The following TNKS variants were observed in gnomAD, a reference collection of about 807,000 sequenced individuals.
The protein encoded by TNKS is poly [ADP-ribose] polymerase tankyrase-1.
A neutral mutation model predicts 135.8 loss-of-function variants in TNKS; 72 were observed. The observed-to-expected ratio is 0.53, with a 90% confidence interval of 0.44 to 0.64. The LOEUF (loss-of-function observed/expected upper bound fraction) is 0.64, where lower values mean the gene tolerates loss of function less well. Among genes scored for constraint, TNKS ranks in the 30% least tolerant of loss-of-function variants. The pLI is 0.00. For missense variants in TNKS, 1,769 were observed against 1,674.0 expected (o/e 1.06, Z -0.99); for synonymous variants, 849 against 649.3 (o/e 1.31, Z -4.68).
intron 5 of TNKS, among the ~76,000 whole-genome samples, chr8:9,683,945 T>C (rs13250951): frequency 0.62 from 94,318 of 151,626 alleles, 29,733 homozygotes; most frequent in Middle Eastern, 0.72. Context: ...AGAAATTTTA[T>C]TGGCTTTTTT....
intron 12 of TNKS, among the ~76,000 whole-genome samples, chr8:9,725,478 T>C (rs1380590927): frequency 2.0e-5 from 3 of 152,246 alleles, no homozygotes; most frequent in Admixed American, 6.5e-5. Context: ...TCATAACTTA[T>C]TCTGTAAAAG....
At chr8:9,729,771 CTTTTTTTT>C (rs763357075) in intron 13 of TNKS, among the ~76,000 whole-genome samples, 1 of 95,016 alleles carries the variant, frequency 1.1e-5, no homozygotes, top group African/African-American at 4.2e-5. Flanking sequence ...ATATGATATT[CTTTTTTTT>C]TTTTTTTTTT....
intron 20 of TNKS, among the ~76,000 whole-genome samples, chr8:9,760,142 A>T (rs1232775908): frequency 2.6e-5 from 4 of 152,214 alleles, no homozygotes; most frequent in African/African-American, 9.6e-5. Flanking sequence ...TATTAAAATC[A>T]TGTCTAGCTA....
chr8:9,612,292 C>G (rs1033381656), intron 2 of TNKS, among the ~76,000 whole-genome samples: 12 of 152,142 alleles, frequency 7.9e-5, no homozygotes, highest in Admixed American at 2.0e-4. Context: ...AAACAACAGA[C>G]ATAGTTCTAA....
At chr8:9,728,547 G>T (rs1383067130) in intron 13 of TNKS, among the ~76,000 whole-genome samples, 1 of 152,088 alleles carries the variant, frequency 6.6e-6, no homozygotes, top group African/African-American at 2.4e-5. Flanking sequence ...AGTTAATTTA[G>T]AATGTAAGAA....
rs572234867 is a variant in TNKS at position 9,587,613 on chromosome 8, AG to A, written c.898+7233del. On this transcript the variant is annotated intron_variant, in intron 2 of 26. Coordinates refer to ENST00000310430, the MANE Select transcript of TNKS (RefSeq NM_003747.3). ...GAAACGGGGTTTCACCATGTTAGCC[AG>A]GGTGGTCTCGATCTCCTGACCTTGT... is the stretch of plus-strand genomic sequence containing the variant. Among the ~76,000 whole-genome samples the A allele has an allele frequency of 4.3e-3, 650 of 152,164 alleles. 20 individuals carry two copies. The highest frequency in any genetic ancestry group is 5.4e-3 in the Non-Finnish European group (368 of 67,990).
intron 5 of TNKS, among the ~76,000 whole-genome samples, chr8:9,686,395 T>C (rs1802998232): frequency 6.6e-6 from 1 of 152,168 alleles, no homozygotes; most frequent in Non-Finnish European, 1.5e-5. Flanking sequence ...ACATCAGCCA[T>C]CCTAGCACCG....
At chr8:9,599,610 C>G (rs1020733691) in intron 2 of TNKS, among the ~76,000 whole-genome samples, 2 of 152,144 alleles carry the variant, frequency 1.3e-5, no homozygotes, top group South Asian at 2.1e-4. Flanking sequence ...ATTCCAGTAT[C>G]TGCCTTATCT....
chr8:9,711,076 T>C (rs1033422829), intron 11 of TNKS, among the ~76,000 whole-genome samples: 1 of 152,184 alleles, frequency 6.6e-6, no homozygotes, highest in East Asian at 1.9e-4. Context: ...CTTGAAATTA[T>C]AGATTTTTTC....
At chr8:9,765,354 A>G (rs929252387) in intron 23 of TNKS, among the ~76,000 whole-genome samples, 1 of 151,954 alleles carries the variant, frequency 6.6e-6, no homozygotes, top group Non-Finnish European at 1.5e-5. Context: ...GAACTTTTTT[A>G]AAAAAAATAC....
intron 5 of TNKS, among the ~76,000 whole-genome samples, chr8:9,690,495 C>T (rs536728885): frequency 6.6e-6 from 1 of 152,160 alleles, no homozygotes; most frequent in Admixed American, 6.5e-5. Flanking sequence ...CATGGTGGCT[C>T]ACGCCTGTAA....
intron 3 of TNKS, among the ~76,000 whole-genome samples, chr8:9,677,231 A>G (rs1802579636): frequency 1.3e-5 from 2 of 152,252 alleles, no homozygotes; most frequent in African/African-American, 2.4e-5. Context: ...TCTAGCAGGA[A>G]GAGTAGAAAG....
intron 2 of TNKS, among the ~76,000 whole-genome samples, chr8:9,584,066 A>G (rs529626834): frequency 2.0e-5 from 3 of 149,528 alleles, no homozygotes; most frequent in Non-Finnish European, 4.4e-5. Flanking sequence ...GGGGAGGCTG[A>G]GGCAGGAGAA....
rs1280959441 is a variant in TNKS at position 9,778,053 on chromosome 8, T to C, written c.*1317T>C. The C allele has an allele frequency of 5.2e-5, 8 of 152,642 alleles. No individual in the cohort carries two copies. Among genetic ancestry groups the C allele is most frequent in the African/African-American group, 2.4e-5 (1 of 41,450 alleles). The allele number at this position is 152,642 out of a possible 1,614,324, so 9.5% of individuals were successfully genotyped here. A position where few individuals can be genotyped will look rare whatever the true frequency, so the allele number is the denominator to read the frequency against. The stretch of plus-strand genomic sequence containing the variant: ...AACCAAAGCCCTTTCTGTTATTTTT[T>C]CAATGAAGGTGAGAAAGAAATACCA... On this transcript the variant is annotated 3_prime_UTR_variant, in exon 27 of 27. Coordinates refer to ENST00000310430, the MANE Select transcript of TNKS (RefSeq NM_003747.3).
intron 5 of TNKS, among the ~76,000 whole-genome samples, chr8:9,685,946 CAGT>C (rs1185866525): frequency 1.3e-5 from 2 of 152,162 alleles, no homozygotes; most frequent in Non-Finnish European, 2.9e-5. Context: ...CCCCGTCTCT[CAGT>C]ATAACTTTTT....
intron 2 of TNKS, among the ~76,000 whole-genome samples, chr8:9,606,842 T>C (rs1036999505): frequency 6.6e-6 from 1 of 152,188 alleles, no homozygotes; most frequent in Non-Finnish European, 1.5e-5. Flanking sequence ...GATCACCTTA[T>C]TGCTGGTTTA....
intron 3 of TNKS, among the ~76,000 whole-genome samples, chr8:9,654,573 G>T (rs951293600): frequency 6.6e-6 from 1 of 152,132 alleles, no homozygotes; most frequent in Non-Finnish European, 1.5e-5. Context: ...TACTTTAGAT[G>T]TTCATCATAT....
chr8:9,572,661 A>C (rs189831997), intron 1 of TNKS, among the ~76,000 whole-genome samples: 1 of 152,198 alleles, frequency 6.6e-6, no homozygotes. Context: ...GTAGAATTAG[A>C]AAGTCATGTT....
At position 9,780,174 on chromosome 8, in the gene TNKS, AG is replaced by A. The variant is rs1447756322; in HGVS notation, c.*3441del. ...TTCAGTGTCTCTCCCAATGGCACGA[AG>A]GGTTATTGGGCATTGTCCCCACCCC... On this transcript the variant is annotated 3_prime_UTR_variant, in exon 27 of 27. Coordinates refer to ENST00000310430, the MANE Select transcript of TNKS (RefSeq NM_003747.3). 6.6e-6 allele frequency: 1 copy of A among 152,214 alleles called. No individual in the cohort carries two copies. Among genetic ancestry groups the A allele is most frequent in the Non-Finnish European group, 1.5e-5 (1 of 68,044 alleles). The allele number at this position is 152,214 out of a possible 1,614,324, so 9.4% of individuals were successfully genotyped here.
Sources: allele counts gnomAD v4.1 joint callset (sites outside exome capture counted in the v4.1 genomes callset), GRCh38; gene constraint gnomAD v4.1.1; transcripts MANE v1.5; gene names NCBI Gene and HGNC (gene_info 2026-07-23, HGNC 2026-07-21).